Variants in DAOA observed in about 807,000 individuals in gnomAD.
DAOA encodes the protein D-amino acid oxidase regulator.
In DAOA, 15 loss-of-function variants were observed where a neutral mutation model predicts 16.4. The ratio of observed to expected loss-of-function variants is 0.91; its 90% CI spans 0.61 to 1.41. The LOEUF is 1.41. Among genes scored for constraint, DAOA ranks in the 40% most tolerant of loss-of-function variants. The pLI, the probability that DAOA is intolerant of heterozygous loss-of-function variation, is 0.00. For synonymous variants in DAOA, 75 were observed against 59.1 expected, an observed-to-expected ratio of 1.27 and a Z score of -1.23; for missense variants, 230 against 176.8, an observed-to-expected ratio of 1.30 and a Z score of -1.71.
intron 4 of DAOA, 124 bp downstream of exon 4, chr13:105,472,809 T>C: frequency 1.3e-6 from 1 of 771,678 alleles, no homozygotes; most frequent in Non-Finnish European, 1.9e-6. Context: ...AACTTTTATC[T>C]AGCTCAGAGA....
chr13:105,477,538 G>A (rs1877422004), intron 4 of DAOA, among the ~76,000 whole-genome samples: 1 of 152,102 alleles, frequency 6.6e-6, no homozygotes, highest in South Asian at 2.1e-4. Flanking sequence ...GACCAACCAG[G>A]GAAACCTAGA....
At chr13:105,488,567 A>G (rs1250030053) in intron 4 of DAOA, among the ~76,000 whole-genome samples, 1 of 152,230 alleles carries the variant, frequency 6.6e-6, no homozygotes, top group African/African-American at 2.4e-5. Flanking sequence ...ATTTCAAAAT[A>G]TTCCACTACT....
At chr13:105,486,599 C>T (rs1354824334) in intron 4 of DAOA, among the ~76,000 whole-genome samples, 1 of 150,338 alleles carries the variant, frequency 6.7e-6, no homozygotes, top group Non-Finnish European at 1.5e-5. Flanking sequence ...GTCTCAGTAT[C>T]GACTATTTTC....
intron 4 of DAOA, among the ~76,000 whole-genome samples, chr13:105,485,610 T>C (rs943358668): frequency 6.6e-6 from 1 of 152,188 alleles, no homozygotes; most frequent in Non-Finnish European, 1.5e-5. Context: ...TATGACCTTA[T>C]TTAGAAATAG....
At chr13:105,484,870 G>T (rs1161347957) in intron 4 of DAOA, among the ~76,000 whole-genome samples, 1 of 152,062 alleles carries the variant, frequency 6.6e-6, no homozygotes, top group African/African-American at 2.4e-5. Flanking sequence ...AGACAATATT[G>T]TCTTTTACCT....
At chr13:105,488,331 T>G (rs1396107291) in intron 4 of DAOA, among the ~76,000 whole-genome samples, 1 of 152,166 alleles carries the variant, frequency 6.6e-6, no homozygotes, top group African/African-American at 2.4e-5. Context: ...AAAAGATAAC[T>G]CAAAAGATGA....
rs1336793371 is a variant in DAOA, at chr13:105,487,802, AT to A, written c.282-2098del. Reference sequence around the variant, plus strand: ...ATAAAATATTTATAGAAAATTGATCATCAAAGTCCTGTTTCTATAATTGCCT... The same window carrying A: ...ATAAAATATTTATAGAAAATTGATCACAAAGTCCTGTTTCTATAATTGCCT... On this transcript the variant is annotated intron_variant, in intron 4 of 5. Transcript: ENST00000375936. Among the ~76,000 whole-genome samples, 7 of 152,320 alleles carry A rather than the reference AT, an allele frequency of 4.6e-5. No homozygotes were observed. The East Asian group carries it at 1.2e-3, about 25-fold the overall frequency.
At chr13:105,472,810 A>G (rs1261519578) in intron 4 of DAOA, 125 bp downstream of exon 4, 6 of 764,920 alleles carry the variant, frequency 7.8e-6, no homozygotes, top group African/African-American at 7.1e-5. Flanking sequence ...ACTTTTATCT[A>G]GCTCAGAGAT....
rs1250549055 is a variant in DAOA at position 105,472,040 on chromosome 13, C to CAA, written c.134-493_134-492dup. ...ATACTAATACAACTTAAGATCCCCT[C>CAA]AAAAAACTACCTTGTGGTCAACACC... On this transcript the variant is annotated intron_variant, in intron 3 of 5. Coordinates refer to ENST00000375936, the MANE Select transcript of DAOA (RefSeq NM_172370.5). Among the ~76,000 whole-genome samples the CAA allele has an allele frequency of 2.0e-5, 3 of 152,138 alleles. 1 individual carries two copies. The highest frequency in any genetic ancestry group is 7.2e-5 in the African/African-American group (3 of 41,436).
In DAOA at chr13:105,478,922, G is replaced by T. The variant is rs577378362; in HGVS notation, c.281+6237G>T. ...TTTTTAGCCAAACTAACCCACTCTT[G>T]TCTACTCATTTGTGTTGCTTTTTGT... On this transcript the variant is annotated intron_variant, in intron 4 of 5. Coordinates refer to ENST00000375936, the MANE Select transcript of DAOA (RefSeq NM_172370.5). 3.3e-5 allele frequency among the ~76,000 whole-genome samples: 5 copies of T among 152,162 alleles called. No individual in the cohort carries two copies. In the East Asian group the frequency reaches 9.7e-4, roughly 29 times the overall value.
At chr13:105,489,465 T>A (rs578227411) in intron 4 of DAOA, among the ~76,000 whole-genome samples, 7 of 152,374 alleles carry the variant, frequency 4.6e-5, no homozygotes, top group Admixed American at 3.9e-4. Context: ...GGAATTGTTT[T>A]GCAGAGAGAG....
At chr13:105,481,127 A>C (rs550238195) in intron 4 of DAOA, among the ~76,000 whole-genome samples, 13 of 152,222 alleles carry the variant, frequency 8.5e-5, no homozygotes, top group Admixed American at 6.5e-4. Context: ...TTTTCTTCTT[A>C]GTATTGAACT....
intron 3 of DAOA, among the ~76,000 whole-genome samples, chr13:105,470,596 T>C (rs1876861632): frequency 6.6e-6 from 1 of 152,078 alleles, no homozygotes; most frequent in Non-Finnish European, 1.5e-5. Flanking sequence ...AAATATTCTA[T>C]TTTTATTTAT....
intron 4 of DAOA, among the ~76,000 whole-genome samples, chr13:105,481,675 G>A (rs548465925): frequency 4.9e-4 from 74 of 152,000 alleles, no homozygotes; most frequent in African/African-American, 1.8e-3. Context: ...TCAAACCTCT[G>A]GATCTCATCC....
intron 4 of DAOA, among the ~76,000 whole-genome samples, chr13:105,472,907 T>C (rs1877075055): frequency 1.3e-5 from 2 of 152,196 alleles, no homozygotes; most frequent in African/African-American, 4.8e-5. Flanking sequence ...GTAGTTTTTC[T>C]TGAATTTTGT....
At position 105,489,725 on chromosome 13, in the gene DAOA, A is replaced by T. The variant is rs141532340; in HGVS notation, c.282-176A>T. On this transcript the variant is annotated intron_variant, in intron 4 of 5. Transcript: ENST00000375936. ...AGTTGTGGCAGTTAGACCCTAAGTGACCCACATAATCTTGACTTCTTGGTG... is the reference window on the plus strand; with the variant it reads ...AGTTGTGGCAGTTAGACCCTAAGTGTCCCACATAATCTTGACTTCTTGGTG... The T allele has an allele frequency of 2.6e-3, 3,703 of 1,417,118 alleles. 12 individuals carry two copies. Among genetic ancestry groups the T allele is most frequent in the Non-Finnish European group, 3.2e-3 (3,411 of 1,059,650 alleles). 87.8% of individuals were successfully genotyped at this position (1,417,118 alleles called of 1,614,324 possible).
chr13:105,488,449 G>A (rs1435604000), intron 4 of DAOA, among the ~76,000 whole-genome samples: 1 of 152,088 alleles, frequency 6.6e-6, no homozygotes. Flanking sequence ...TACATTATTG[G>A]GTAATGACTG....
At chr13:105,475,438 C>A (rs1167196953) in intron 4 of DAOA, among the ~76,000 whole-genome samples, 1 of 152,144 alleles carries the variant, frequency 6.6e-6, no homozygotes, top group Non-Finnish European at 1.5e-5. Flanking sequence ...AAGGATCTTT[C>A]CCTTAGGAAC....
At chr13:105,475,156 G>A in intron 4 of DAOA, 1 of 512,302 alleles carries the variant, frequency 2.0e-6, no homozygotes, top group Non-Finnish European at 2.5e-6. Context: ...AGACTCCTGG[G>A]CCTTCATTCT....
Sources: allele counts gnomAD v4.1 joint callset (sites outside exome capture counted in the v4.1 genomes callset), GRCh38; gene constraint gnomAD v4.1.1; transcripts MANE v1.5; gene names NCBI Gene and HGNC (gene_info 2026-07-23, HGNC 2026-07-21).